ARHGEF38: variants seen among roughly 807,000 people sequenced by gnomAD.
The protein encoded by ARHGEF38 is Rho guanine nucleotide exchange factor 38, also known as Rho guanine nucleotide exchange factor (GEF) 38.
Under a neutral mutation model 79.9 loss-of-function variants are expected in ARHGEF38, and 79 were observed. The observed-to-expected ratio is 0.99, with a 90% CI of 0.82 to 1.19. ARHGEF38 has a LOEUF of 1.19. ARHGEF38 is among the 50% of genes most tolerant of loss of function. The pLI is 0.00. For missense variants in ARHGEF38, 962 were observed against 907.2 expected, an observed-to-expected ratio of 1.06 and a Z score of -0.78; for synonymous variants, 366 against 328.3, an observed-to-expected ratio of 1.11 and a Z score of -1.24.
At chr4:105,563,182 G>C (rs1013501197) in intron 1 of ARHGEF38, 9 of 151,640 alleles carry the variant, frequency 5.9e-5, no homozygotes, top group Non-Finnish European at 1.2e-4. Context: ...ATATTAAGTG[G>C]TTATTATTAT....
At chr4:105,564,746 G>T (rs1291731154) in intron 1 of ARHGEF38, among the ~76,000 whole-genome samples, 2 of 152,088 alleles carry the variant, frequency 1.3e-5, no homozygotes, top group African/African-American at 4.8e-5. Context: ...TCTCATCTCT[G>T]GCCTGGAGGA....
rs1227579072 is a variant in ARHGEF38, at chr4:105,667,566, T to C, written c.2011T>C (p.Ser671Pro). ...TGAGAACATCAGCCTCTTCGTGTCTTCACGGCCAGCTAGTGACAGTGTCAC... is the reference window on the plus strand; with the variant it reads ...TGAGAACATCAGCCTCTTCGTGTCTCCACGGCCAGCTAGTGACAGTGTCAC... ...DFENISLFVS[S>P]RPASDSVTGT... Residue 671 changes from serine (S) to proline (P), a missense_variant, in exon 13 of 14, where the codon TCA becomes CCA. Coordinates refer to ENST00000420470, the MANE Select transcript of ARHGEF38 (RefSeq NM_001242729.2). 1 of 1,536,710 alleles carries C rather than the reference T, an allele frequency of 6.5e-7. No individual in the cohort carries two copies. The highest frequency in any genetic ancestry group is 1.2e-5 in the South Asian group (1 of 84,060).
intron 5 of ARHGEF38, among the ~76,000 whole-genome samples, chr4:105,640,249 G>A (rs1729564689): frequency 6.6e-6 from 1 of 152,022 alleles, no homozygotes; most frequent in Admixed American, 6.6e-5. Context: ...TTATATCTAA[G>A]TAAACTTCTT....
At position 105,631,087 on chromosome 4, in the gene ARHGEF38, G is replaced by A. The variant is rs751148437; in HGVS notation, c.656+42G>A. The A allele has an allele frequency of 3.8e-6, 6 of 1,573,620 alleles. No homozygotes were observed. The African/African-American group carries it at 8.2e-5, about 22-fold the overall frequency. Reference sequence around the variant, plus strand: ...TGATGATTCCCATCTCCTCTCAGTTGCCTAGCAGGGAACATTTTAAATGGA... The same window carrying A: ...TGATGATTCCCATCTCCTCTCAGTTACCTAGCAGGGAACATTTTAAATGGA... On this transcript the variant is annotated intron_variant, in intron 4 of 13. Coordinates refer to ENST00000420470, the MANE Select transcript of ARHGEF38 (RefSeq NM_001242729.2).
intron 5 of ARHGEF38, among the ~76,000 whole-genome samples, chr4:105,638,424 T>C (rs1018754634): frequency 6.6e-6 from 1 of 152,130 alleles, no homozygotes; most frequent in Non-Finnish European, 1.5e-5. Context: ...GTTATCTTTA[T>C]GCTTTCACTC....
Position 105,591,049 on chromosome 4 carries a change from A to G in ARHGEF38, c.384+1614A>G, listed in dbSNP as rs1727309415. On this transcript the variant is annotated intron_variant, in intron 2 of 13. Coordinates refer to ENST00000420470, the MANE Select transcript of ARHGEF38 (RefSeq NM_001242729.2). The stretch of plus-strand genomic sequence containing the variant: ...CTTTTGGTTTCTAACCTTGTTTAAG[A>G]TGTATGTTTATTTTGTTTTTGCCAT... 2.0e-5 allele frequency among the ~76,000 whole-genome samples: 3 copies of G among 152,124 alleles called. No individual in the cohort carries two copies. In the South Asian group the frequency reaches 6.2e-4, roughly 31 times the overall value.
chr4:105,557,697 C>T (rs1440840938), intron 1 of ARHGEF38, among the ~76,000 whole-genome samples: 3 of 151,840 alleles, frequency 2.0e-5, no homozygotes, highest in Admixed American at 6.6e-5. Context: ...GGAGTGGGCT[C>T]TCAGCAGGAA....
At chr4:105,651,886 G>A (rs1055509912) in intron 7 of ARHGEF38, among the ~76,000 whole-genome samples, 4 of 152,110 alleles carry the variant, frequency 2.6e-5, no homozygotes, top group Admixed American at 6.5e-5. Context: ...GATCCTTCAG[G>A]AACCCAGTTC....
chr4:105,583,406 C>T lies in ARHGEF38; in HGVS notation c.197-5842C>T, dbSNP rs141706792. Among the ~76,000 whole-genome samples the T allele has an allele frequency of 4.5e-3, 683 of 152,306 alleles. 3 individuals carry two copies. The highest frequency in any genetic ancestry group is 0.016 in the African/African-American group (670 of 41,566). On this transcript the variant is annotated intron_variant, in intron 1 of 13. Coordinates refer to ENST00000420470, the MANE Select transcript of ARHGEF38 (RefSeq NM_001242729.2). ...CCCAGCGTCCTCCTACCTGGCCACACATTGCTCTGCTTCCTGTTCCTTAAA... is the reference window on the plus strand; with the variant it reads ...CCCAGCGTCCTCCTACCTGGCCACATATTGCTCTGCTTCCTGTTCCTTAAA...
intron 2 of ARHGEF38, among the ~76,000 whole-genome samples, chr4:105,594,801 A>G (rs1029266611): frequency 3.3e-5 from 5 of 152,212 alleles, no homozygotes; most frequent in Admixed American, 3.3e-4. Context: ...ATAATACATC[A>G]AACTCAGCAG....
At chr4:105,649,273 C>A (rs1361007200) in intron 7 of ARHGEF38, among the ~76,000 whole-genome samples, 1 of 152,098 alleles carries the variant, frequency 6.6e-6, no homozygotes, top group Non-Finnish European at 1.5e-5. Flanking sequence ...ACTGTCATCC[C>A]AATCCCTAAT....
intron 2 of ARHGEF38, among the ~76,000 whole-genome samples, chr4:105,591,385 C>T (rs1174030443): frequency 6.6e-6 from 1 of 152,132 alleles, no homozygotes; most frequent in Non-Finnish European, 1.5e-5. Context: ...ACTGCCACCA[C>T]ACCCGGCTAA....
At chr4:105,623,165 TGTCACC>T (rs1415780498) in intron 3 of ARHGEF38, among the ~76,000 whole-genome samples, 1 of 152,222 alleles carries the variant, frequency 6.6e-6, no homozygotes, top group African/African-American at 2.4e-5. Flanking sequence ...ATGACTGTTG[TGTCACC>T]AGCACCCAGA....
intron 5 of ARHGEF38, among the ~76,000 whole-genome samples, chr4:105,639,654 A>G (rs1448438203): frequency 6.6e-6 from 1 of 151,932 alleles, no homozygotes; most frequent in East Asian, 1.9e-4. Flanking sequence ...ACTGAATAGG[A>G]TTGTCAAATT....
downstream of ARHGEF38, among the ~76,000 whole-genome samples, chr4:105,681,653 C>G (rs1731314216): frequency 6.6e-6 from 1 of 152,178 alleles, no homozygotes; most frequent in Non-Finnish European, 1.5e-5. Flanking sequence ...ACTTAACCCA[C>G]TTATGCCTAG....
intron 7 of ARHGEF38, among the ~76,000 whole-genome samples, chr4:105,649,096 A>G (rs1344304840): frequency 1.3e-5 from 2 of 151,930 alleles, no homozygotes; most frequent in African/African-American, 4.8e-5. Context: ...GGTTCCCTTG[A>G]TATTCATTTT....
At chr4:105,569,767 A>T (rs1726125942) in intron 1 of ARHGEF38, 1 of 152,218 alleles carries the variant, frequency 6.6e-6, no homozygotes, top group African/African-American at 2.4e-5. Flanking sequence ...GCGTAAAAGG[A>T]AGGGAATATA....
At chr4:105,651,957 A>T (rs564647480) in intron 7 of ARHGEF38, among the ~76,000 whole-genome samples, 19 of 152,206 alleles carry the variant, frequency 1.2e-4, no homozygotes, top group Admixed American at 3.9e-4. Flanking sequence ...TATTCCTGCC[A>T]TGTCTTCTTT....
intron 4 of ARHGEF38, among the ~76,000 whole-genome samples, chr4:105,635,877 T>C (rs1729376686): frequency 6.6e-6 from 1 of 152,222 alleles, no homozygotes; most frequent in East Asian, 1.9e-4. Flanking sequence ...TATGTTAGGA[T>C]GTCTAGCAAT....
Sources: gnomAD v4.1 joint callset for allele counts (sites outside exome capture counted in the v4.1 genomes callset) on GRCh38, gnomAD v4.1.1 for gene constraint, MANE v1.5 for transcripts, NCBI Gene and HGNC (gene_info 2026-07-23, HGNC 2026-07-21) for gene names.